CAMKMT: variants seen among roughly 807,000 people sequenced by gnomAD.
The protein encoded by CAMKMT is calmodulin-lysine N-methyltransferase.
A neutral mutation model predicts 48.0 loss-of-function variants in CAMKMT; 53 were observed. The ratio of observed to expected loss-of-function variants is 1.10; its 90% CI spans 0.89 to 1.39. The LOEUF (loss-of-function observed/expected upper bound fraction) is 1.39, where lower values mean the gene tolerates loss of function less well. Ranked by LOEUF, CAMKMT falls within the 40% of genes most tolerant of loss-of-function variation. The pLI, the probability that CAMKMT is intolerant of heterozygous loss-of-function variation, is 0.00. For missense variants in CAMKMT, 428 were observed against 402.7 expected (o/e 1.06, Z -0.54); for synonymous variants, 165 against 152.3 (o/e 1.08, Z -0.61).
At chr2:44,661,182 A>G (rs970013773) in intron 3 of CAMKMT, among the ~76,000 whole-genome samples, 1 of 152,222 alleles carries the variant, frequency 6.6e-6, no homozygotes, top group African/African-American at 2.4e-5. Context: ...AATGAAAGGT[A>G]GATGGCTTGC....
intron 3 of CAMKMT, among the ~76,000 whole-genome samples, chr2:44,673,956 CT>C (rs2104142626): frequency 1.3e-5 from 2 of 152,166 alleles, no homozygotes; most frequent in African/African-American, 4.8e-5. Flanking sequence ...AGTAACTGCT[CT>C]TCATAGCAAA....
chr2:44,592,502 G>A (rs940464362), intron 3 of CAMKMT, among the ~76,000 whole-genome samples: 1 of 152,078 alleles, frequency 6.6e-6, no homozygotes, highest in African/African-American at 2.4e-5. Flanking sequence ...ATGGTCCTCA[G>A]TGCTTGGGTT....
At position 44,558,983 on chromosome 2, in the gene CAMKMT, GGATA is replaced by G. The variant is rs57423310; in HGVS notation, c.377-145279_377-145276del. Among the ~76,000 whole-genome samples the G allele has an allele frequency of 1.8e-3, 266 of 151,582 alleles. 3 individuals are homozygous for G. In the East Asian group the frequency reaches 0.029, roughly 17 times the overall value. On this transcript the variant is annotated intron_variant, in intron 3 of 10. Transcript: ENST00000378494. ...TGTGTGTGTGTGTGTATGTATGTAT[GGATA>G]GATAGATAGATAGATAGATAAACAG...
chr2:44,428,558 C>T (rs956957287), intron 3 of CAMKMT, among the ~76,000 whole-genome samples: 2 of 152,354 alleles, frequency 1.3e-5, no homozygotes, highest in East Asian at 1.9e-4. Context: ...CCAGGGACCC[C>T]ACCCTTTTCT....
At chr2:44,656,480 G>A (rs1018426138) in intron 3 of CAMKMT, among the ~76,000 whole-genome samples, 15 of 152,182 alleles carry the variant, frequency 9.9e-5, no homozygotes, top group African/African-American at 3.6e-4. Context: ...TTCTCAAAAA[G>A]AATTTAATTA....
intron 2 of CAMKMT, among the ~76,000 whole-genome samples, chr2:44,380,980 T>C (rs746351828): frequency 2.0e-5 from 3 of 152,068 alleles, no homozygotes; most frequent in African/African-American, 7.2e-5. Context: ...GCCAACATAG[T>C]GAAACCCCAT....
At chr2:44,672,062 A>C (rs1198017733) in intron 3 of CAMKMT, among the ~76,000 whole-genome samples, 1 of 151,734 alleles carries the variant, frequency 6.6e-6, no homozygotes, top group African/African-American at 2.4e-5. Flanking sequence ...GATGATGAAA[A>C]CTCAATACCA....
intron 3 of CAMKMT, among the ~76,000 whole-genome samples, chr2:44,525,841 AATTCT>A (rs149700894): frequency 0.54 from 81,360 of 151,274 alleles, 22,393 homozygotes; most frequent in Non-Finnish European, 0.59. Flanking sequence ...CTTTCCCAAG[AATTCT>A]TTTCTTTTCT....
chr2:44,739,529 T>C (rs1679551657), intron 7 of CAMKMT, among the ~76,000 whole-genome samples: 1 of 152,204 alleles, frequency 6.6e-6, no homozygotes, highest in African/African-American at 2.4e-5. Context: ...TTGAGATGTC[T>C]AGTAGATACC....
chr2:44,408,150 C>T (rs748334669), intron 3 of CAMKMT, among the ~76,000 whole-genome samples: 2 of 151,536 alleles, frequency 1.3e-5, no homozygotes, highest in South Asian at 2.1e-4. Context: ...CTCAGCCTCC[C>T]GAGTAGCTGG....
chr2:44,450,723 A>G (rs893935051), intron 3 of CAMKMT, among the ~76,000 whole-genome samples: 5 of 152,268 alleles, frequency 3.3e-5, no homozygotes, highest in African/African-American at 1.2e-4. Context: ...AAAAAGTACA[A>G]TTCACTATTT....
At chr2:44,383,749 G>A (rs972080486) in intron 2 of CAMKMT, among the ~76,000 whole-genome samples, 1 of 152,078 alleles carries the variant, frequency 6.6e-6, no homozygotes, top group Non-Finnish European at 1.5e-5. Flanking sequence ...CCATTCCCGA[G>A]TTACTTCATT....
chr2:44,721,889 T>C (rs1419001631), intron 7 of CAMKMT, among the ~76,000 whole-genome samples: 1 of 152,112 alleles, frequency 6.6e-6, no homozygotes, highest in Non-Finnish European at 1.5e-5. Context: ...CTCATACTCA[T>C]GCCCCTTCCT....
At chr2:44,402,769 T>A (rs534398481) in intron 3 of CAMKMT, among the ~76,000 whole-genome samples, 496 of 148,522 alleles carry the variant, frequency 3.3e-3, no homozygotes, top group African/African-American at 0.011. Context: ...TACTTTTTCT[T>A]TACTTTTAAC....
chr2:44,562,467 T>G lies in CAMKMT; in HGVS notation c.377-141816T>G, dbSNP rs543539547. On this transcript the variant is annotated intron_variant, in intron 3 of 10. Transcript: ENST00000378494. ...ACACAACATCCCTGGGAGGTGAGTA[T>G]TATTATTTCTATTTCACAAATGATG... Among the ~76,000 whole-genome samples, 3 of 152,250 alleles carry G rather than the reference T, an allele frequency of 2.0e-5. No homozygotes were observed. The South Asian group carries it at 6.2e-4, about 32-fold the overall frequency.
intron 3 of CAMKMT, among the ~76,000 whole-genome samples, chr2:44,572,124 C>G (rs533534768): frequency 6.6e-6 from 1 of 152,182 alleles, no homozygotes; most frequent in Non-Finnish European, 1.5e-5. Context: ...TGAGACTGTA[C>G]CCATTAAGCA....
intron 3 of CAMKMT, among the ~76,000 whole-genome samples, chr2:44,547,128 T>G (rs1388146308): frequency 6.6e-6 from 1 of 152,154 alleles, no homozygotes; most frequent in South Asian, 2.1e-4. Flanking sequence ...TTATTGTTAT[T>G]TTCTGTATCC....
rs1553414801 is a variant in CAMKMT at position 44,558,969 on chromosome 2, G to GTGTA, written c.377-145303_377-145300dup. 7.2e-4 allele frequency among the ~76,000 whole-genome samples: 107 copies of GTGTA among 149,610 alleles called. 2 individuals are homozygous for GTGTA. In the East Asian group the frequency reaches 0.018, roughly 25 times the overall value. On this transcript the variant is annotated intron_variant, in intron 3 of 10. Coordinates refer to ENST00000378494, the MANE Select transcript of CAMKMT (RefSeq NM_024766.5). ...AAAATGTGTCTCTGTGTGTGTGTGT[G>GTGTA]TGTATGTATGTATGGATAGATAGAT...
chr2:44,661,892 G>T (rs1288694301), intron 3 of CAMKMT, among the ~76,000 whole-genome samples: 1 of 152,156 alleles, frequency 6.6e-6, no homozygotes, highest in Non-Finnish European at 1.5e-5. Flanking sequence ...TATCTCTAGT[G>T]ACTACATGAG....
Sources: allele counts gnomAD v4.1 joint callset (sites outside exome capture counted in the v4.1 genomes callset), GRCh38; gene constraint gnomAD v4.1.1; transcripts MANE v1.5; gene names NCBI Gene and HGNC (gene_info 2026-07-23, HGNC 2026-07-21).